Variants in PRKG1 observed in about 807,000 individuals in gnomAD.
The protein encoded by PRKG1 is cGMP-dependent protein kinase 1.
PRKG1 carries 35 observed loss-of-function variants against 88.1 expected under a neutral mutation model. The ratio of observed to expected loss-of-function variants is 0.40; its 90% confidence interval spans 0.30 to 0.53. The LOEUF is 0.53. PRKG1 is among the 20% of genes least tolerant of loss of function. The pLI is 0.59. For missense variants in PRKG1, 540 were observed against 839.8 expected (o/e 0.64, Z 4.41); for synonymous variants, 303 against 292.5 (o/e 1.04, Z -0.37).
At chr10:52,278,494 A>C (rs530370772) in intron 12 of PRKG1, among the ~76,000 whole-genome samples, 1 of 152,210 alleles carries the variant, frequency 6.6e-6, no homozygotes, top group African/African-American at 2.4e-5. Flanking sequence ...CATTCTACTT[A>C]AAGACACATG....
intron 1 of PRKG1, among the ~76,000 whole-genome samples, chr10:51,007,814 A>G (rs528675901): frequency 6.6e-6 from 1 of 152,348 alleles, no homozygotes; most frequent in South Asian, 2.1e-4. Flanking sequence ...TTGAGATATA[A>G]TGGGAAAGTA....
chr10:52,214,017 G>T (rs1042378552), intron 9 of PRKG1, among the ~76,000 whole-genome samples: 1 of 152,070 alleles, frequency 6.6e-6, no homozygotes, highest in Non-Finnish European at 1.5e-5. Flanking sequence ...GAGCATTTAC[G>T]ATGTGGAATA....
intron 2 of PRKG1, among the ~76,000 whole-genome samples, chr10:51,407,855 T>G (rs545428895): frequency 8.5e-4 from 129 of 152,326 alleles, no homozygotes; most frequent in African/African-American, 3.0e-3. Flanking sequence ...TGATTTCATC[T>G]TGATAGTCTG....
At chr10:52,269,498 A>G (rs980721863) in intron 10 of PRKG1, among the ~76,000 whole-genome samples, 2 of 152,132 alleles carry the variant, frequency 1.3e-5, no homozygotes, top group Admixed American at 6.6e-5. Flanking sequence ...GCTCCCTCCT[A>G]AGGAACTTGC....
intron 4 of PRKG1, among the ~76,000 whole-genome samples, chr10:51,870,957 AC>A (rs1423467212): frequency 6.6e-6 from 1 of 151,648 alleles, no homozygotes; most frequent in Non-Finnish European, 1.5e-5. Flanking sequence ...ACTTTACCCC[AC>A]CCCCTAGGCA....
At chr10:52,028,971 G>A (rs1845410278) in intron 5 of PRKG1, among the ~76,000 whole-genome samples, 1 of 152,136 alleles carries the variant, frequency 6.6e-6, no homozygotes, top group Non-Finnish European at 1.5e-5. Flanking sequence ...CTTGCTATTT[G>A]CAAGGATGGT....
At chr10:51,280,195 G>C (rs764806394) in intron 2 of PRKG1, among the ~76,000 whole-genome samples, 1 of 152,146 alleles carries the variant, frequency 6.6e-6, no homozygotes, top group African/African-American at 2.4e-5. Context: ...TTGAATATTG[G>C]CCCCCACTCT....
chr10:51,420,659 A>T (rs1335325292), intron 2 of PRKG1, among the ~76,000 whole-genome samples: 1 of 152,182 alleles, frequency 6.6e-6, no homozygotes, highest in Non-Finnish European at 1.5e-5. Flanking sequence ...ACATGGGAAG[A>T]TCTCACATAA....
At chr10:52,079,899 A>C (rs1355327829) in intron 7 of PRKG1, among the ~76,000 whole-genome samples, 1 of 152,192 alleles carries the variant, frequency 6.6e-6, no homozygotes, top group Non-Finnish European at 1.5e-5. Flanking sequence ...GTCTTGCTGT[A>C]GGCCCCATAC....
chr10:51,508,729 C>G (rs1056050567), intron 3 of PRKG1, among the ~76,000 whole-genome samples: 1 of 152,076 alleles, frequency 6.6e-6, no homozygotes, highest in Admixed American at 6.6e-5. Flanking sequence ...CAATTCTGTT[C>G]TGTTAATTCA....
At chr10:51,709,793 A>G (rs916176945) in intron 3 of PRKG1, among the ~76,000 whole-genome samples, 7 of 152,160 alleles carry the variant, frequency 4.6e-5, no homozygotes, top group Non-Finnish European at 5.9e-5. Context: ...TTCCACAGGG[A>G]GGAGAGGTTC....
chr10:51,415,768 C>T (rs1358599366), intron 2 of PRKG1, among the ~76,000 whole-genome samples: 1 of 152,120 alleles, frequency 6.6e-6, no homozygotes, highest in African/African-American at 2.4e-5. Context: ...AAAGACTGCC[C>T]ACCGCTTTAT....
intron 9 of PRKG1, among the ~76,000 whole-genome samples, chr10:52,210,250 A>G (rs1839932539): frequency 1.3e-5 from 2 of 151,934 alleles, no homozygotes; most frequent in East Asian, 1.9e-4. Context: ...TAGGTCTTGC[A>G]GAAGCTATCT....
intron 4 of PRKG1, among the ~76,000 whole-genome samples, chr10:51,830,827 G>C (rs1564665352): frequency 6.6e-6 from 1 of 151,990 alleles, no homozygotes; most frequent in Non-Finnish European, 1.5e-5. Context: ...CCCCCAAAGT[G>C]CTGGTATTAC....
intron 7 of PRKG1, among the ~76,000 whole-genome samples, chr10:52,126,871 C>G (rs1847943125): frequency 2.6e-5 from 4 of 152,164 alleles, no homozygotes; most frequent in Admixed American, 2.6e-4. Context: ...GGTGATAGAT[C>G]AGACAGTTGG....
At chr10:51,392,174 C>T (rs1156746257) in intron 2 of PRKG1, among the ~76,000 whole-genome samples, 10 of 150,188 alleles carry the variant, frequency 6.7e-5, no homozygotes, top group African/African-American at 7.4e-5. Context: ...GGGTGTTTCT[C>T]GCAGAGGGGG....
At chr10:51,081,955 C>T (rs12573698) in intron 1 of PRKG1, among the ~76,000 whole-genome samples, 1 of 152,050 alleles carries the variant, frequency 6.6e-6, no homozygotes, top group Non-Finnish European at 1.5e-5. Context: ...GACAGGGTCT[C>T]AGTTGCACAG....
At chr10:51,259,958 A>G (rs1399247799) in intron 2 of PRKG1, among the ~76,000 whole-genome samples, 1 of 152,204 alleles carries the variant, frequency 6.6e-6, no homozygotes, top group Non-Finnish European at 1.5e-5. Flanking sequence ...GTTTATGCAA[A>G]TTGTGAAATC....
chr10:52,204,020 C>T (rs747823542), intron 9 of PRKG1, among the ~76,000 whole-genome samples: 22 of 152,080 alleles, frequency 1.4e-4, no homozygotes, highest in Non-Finnish European at 3.1e-4. Context: ...TGTTTACATT[C>T]AAGGTTAATA....
Sources: gnomAD v4.1 joint callset for allele counts (sites outside exome capture counted in the v4.1 genomes callset) on GRCh38, gnomAD v4.1.1 for gene constraint, MANE v1.5 for transcripts, NCBI Gene and HGNC (gene_info 2026-07-23, HGNC 2026-07-21) for gene names.